SRL: variants seen among roughly 807,000 people sequenced by gnomAD.
SRL encodes sarcalumenin.
In SRL, 23 loss-of-function variants were observed where a neutral mutation model predicts 39.5. That is an observed-to-expected ratio of 0.58 (90% CI 0.42 to 0.82). The LOEUF is 0.82. Ranked by LOEUF, SRL falls within the 40% of genes least tolerant of loss-of-function variation. The probability of loss-of-function intolerance (pLI) is 0.00; values close to 1 mark genes in which losing one functional copy is unlikely to be tolerated. For missense variants in SRL, 592 were observed against 607.8 expected, an observed-to-expected ratio of 0.97 and a Z score of 0.27; for synonymous variants, 272 against 237.4, an observed-to-expected ratio of 1.15 and a Z score of -1.34.
At chr16:4,206,940 TG>T in intron 1 of SRL, 2 of 456,210 alleles carry the variant, frequency 4.4e-6, no homozygotes, top group Non-Finnish European at 8.8e-6. Context: ...CCTGGCTTCC[TG>T]GGGATCCCCA....
chr16:4,224,476 C>T (rs7197023), intron 1 of SRL, among the ~76,000 whole-genome samples: 5,220 of 152,068 alleles, frequency 0.034, 270 homozygotes, highest in African/African-American at 0.12. Context: ...GAGGCCGAGA[C>T]GGGAGGATTG....
At chr16:4,227,626 A>T (rs1039210793) in intron 1 of SRL, among the ~76,000 whole-genome samples, 2 of 152,130 alleles carry the variant, frequency 1.3e-5, no homozygotes, top group Non-Finnish European at 2.9e-5. Flanking sequence ...GGTGGTGGCA[A>T]AATGGAAGAC....
chr16:4,225,196 A>G (rs753616891), intron 1 of SRL, among the ~76,000 whole-genome samples: 1 of 152,188 alleles, frequency 6.6e-6, no homozygotes, highest in Non-Finnish European at 1.5e-5. Context: ...ATGGCTGCAT[A>G]TATCTGTGAA....
intron 3 of SRL, among the ~76,000 whole-genome samples, chr16:4,198,852 T>C (rs1394339238): frequency 6.6e-6 from 1 of 152,204 alleles, no homozygotes; most frequent in Non-Finnish European, 1.5e-5. Context: ...GCATCCAATG[T>C]CCTTCCGAAG....
rs527989801 is a variant in SRL at position 4,216,325 on chromosome 16, A to G, written c.62-11691T>C. ...GCATCTCTGTCACTCAGGCTGGAGT[A>G]CAGTGGTACAATCTCAGCTCACTGC... On this transcript the variant is annotated intron_variant, in intron 1 of 5. Transcript: ENST00000399609. 3.3e-5 allele frequency among the ~76,000 whole-genome samples: 5 copies of G among 152,120 alleles called. No individual in the cohort carries two copies. The East Asian group carries it at 9.7e-4, about 29-fold the overall frequency.
intron 1 of SRL, among the ~76,000 whole-genome samples, chr16:4,240,003 A>T (rs1410019420): frequency 6.6e-6 from 1 of 152,146 alleles, no homozygotes; most frequent in East Asian, 1.9e-4. Flanking sequence ...GGTGGTTGGT[A>T]ACAGAGGGGC....
intron 5 of SRL, among the ~76,000 whole-genome samples, chr16:4,193,376 A>G (rs2052094068): frequency 6.6e-6 from 1 of 152,238 alleles, no homozygotes; most frequent in Admixed American, 6.5e-5. Flanking sequence ...TTTCCAAGAA[A>G]GCTAAATACC....
chr16:4,195,218 A>G, intron 5 of SRL, among the ~76,000 whole-genome samples: 1 of 152,086 alleles, frequency 6.6e-6, no homozygotes, highest in Non-Finnish European at 1.5e-5. Flanking sequence ...TATTTATATA[A>G]GTTAGGGTCT....
intron 2 of SRL, among the ~76,000 whole-genome samples, chr16:4,203,997 A>G (rs1238885333): frequency 6.6e-6 from 1 of 152,170 alleles, no homozygotes; most frequent in African/African-American, 2.4e-5. Context: ...GGGAGCCCAC[A>G]GTGGGAAGGC....
intron 1 of SRL, among the ~76,000 whole-genome samples, chr16:4,217,519 T>C (rs1188538213): frequency 1.3e-5 from 2 of 152,212 alleles, no homozygotes; most frequent in Non-Finnish European, 1.5e-5. Context: ...CTCAAAGTGC[T>C]GGGATTACAG....
chr16:4,206,382 C>G (rs914842987), intron 1 of SRL, among the ~76,000 whole-genome samples: 2 of 152,178 alleles, frequency 1.3e-5, no homozygotes, highest in African/African-American at 4.8e-5. Flanking sequence ...ATTCCCTGCA[C>G]GTCCCTCCAC....
intron 3 of SRL, among the ~76,000 whole-genome samples, chr16:4,200,554 C>A (rs1030431342): frequency 2.6e-5 from 4 of 152,178 alleles, no homozygotes; most frequent in African/African-American, 4.8e-5. Context: ...GAGCGCCATG[C>A]CCTGGGGACT....
chr16:4,200,428 T>C (rs1427749431), intron 3 of SRL, among the ~76,000 whole-genome samples: 1 of 152,114 alleles, frequency 6.6e-6, no homozygotes, highest in Admixed American at 6.5e-5. Flanking sequence ...CGCTGGCCTA[T>C]ACAGGAGGTG....
chr16:4,201,166 T>G (rs1168219389), intron 3 of SRL, among the ~76,000 whole-genome samples: 2 of 150,486 alleles, frequency 1.3e-5, no homozygotes, highest in Non-Finnish European at 1.5e-5. Flanking sequence ...CAGGCTGGAG[T>G]GCAGTGGTGC....
Position 4,206,215 on chromosome 16 carries a change from G to A in SRL, c.62-1581C>T, listed in dbSNP as rs574307119. 9.9e-5 allele frequency among the ~76,000 whole-genome samples: 15 copies of A among 152,264 alleles called. No individual in the cohort carries two copies. In the East Asian group the frequency reaches 2.3e-3, roughly 24 times the overall value. Reference sequence around the variant, plus strand: ...CTTTGGCTGCTTTAGGTGGGCACTTGAGAGTCAACAGCGGTCACAGCCTGA... The same window carrying A: ...CTTTGGCTGCTTTAGGTGGGCACTTAAGAGTCAACAGCGGTCACAGCCTGA... On this transcript the variant is annotated intron_variant, in intron 1 of 5. Coordinates refer to ENST00000399609, the MANE Select transcript of SRL (RefSeq NM_001098814.2).
At chr16:4,222,894 G>A (rs2052545619) in intron 1 of SRL, among the ~76,000 whole-genome samples, 1 of 152,074 alleles carries the variant, frequency 6.6e-6, no homozygotes, top group South Asian at 2.1e-4. Context: ...AGGAGTTTGA[G>A]ACCAGCCTGG....
chr16:4,203,806 C>T (rs1227953532), intron 2 of SRL, among the ~76,000 whole-genome samples: 2 of 152,232 alleles, frequency 1.3e-5, no homozygotes, highest in African/African-American at 4.8e-5. Context: ...AATTCCATCT[C>T]TGTTGCCCAC....
At chr16:4,240,710 G>A (rs1383114712) in intron 1 of SRL, among the ~76,000 whole-genome samples, 2 of 152,156 alleles carry the variant, frequency 1.3e-5, no homozygotes, top group Non-Finnish European at 2.9e-5. Context: ...AAAATTCCTG[G>A]GGCCCAGTGT....
intron 1 of SRL, among the ~76,000 whole-genome samples, chr16:4,208,498 C>T (rs1368114535): frequency 1.3e-5 from 2 of 152,160 alleles, no homozygotes; most frequent in East Asian, 1.9e-4. Flanking sequence ...ACCTTGCTCA[C>T]GGGCGTGTGC....
Sources: gnomAD v4.1 joint callset for allele counts (sites outside exome capture counted in the v4.1 genomes callset) on GRCh38, gnomAD v4.1.1 for gene constraint, MANE v1.5 for transcripts, NCBI Gene and HGNC (gene_info 2026-07-23, HGNC 2026-07-21) for gene names.